Variants in LRRC8C observed in about 807,000 individuals in gnomAD.
LRRC8C encodes the protein leucine rich repeat containing 8 VRAC subunit C.
A neutral mutation model predicts 55.3 loss-of-function variants in LRRC8C; 20 were observed. That is an observed-to-expected ratio of 0.36 (90% CI 0.25 to 0.53). The LOEUF (loss-of-function observed/expected upper bound fraction) is 0.53. LRRC8C is among the 20% of genes least tolerant of loss of function. LRRC8C has a pLI of 0.92. For synonymous variants in LRRC8C, 376 were observed against 360.7 expected, an observed-to-expected ratio of 1.04 and a Z score of -0.48; for missense variants, 659 against 951.4, an observed-to-expected ratio of 0.69 and a Z score of 4.04.
At chr1:89,671,333 C>T (rs1053451761) in intron 1 of LRRC8C, among the ~76,000 whole-genome samples, 6 of 149,794 alleles carry the variant, frequency 4.0e-5, no homozygotes, top group African/African-American at 1.5e-4. Flanking sequence ...AGAGGAAGGG[C>T]ATACTCAAGG....
At chr1:89,623,186 G>GCACA in the LRRC8C span, among the ~76,000 whole-genome samples, 2 of 149,188 alleles carry the variant, frequency 1.3e-5, no homozygotes, top group Admixed American at 6.7e-5. Context: ...ACACACATGC[G>GCACA]CACACACACA....
At chr1:89,648,796 G>A (rs1420898260) in intron 1 of LRRC8C, among the ~76,000 whole-genome samples, 1 of 152,246 alleles carries the variant, frequency 6.6e-6, no homozygotes, top group East Asian at 1.9e-4. Context: ...TGTCACAATA[G>A]ATTTGCCTAT....
At chr1:89,653,358 A>G (rs1282892663) in intron 1 of LRRC8C, among the ~76,000 whole-genome samples, 1 of 152,140 alleles carries the variant, frequency 6.6e-6, no homozygotes, top group Non-Finnish European at 1.5e-5. Context: ...GTCAGTGTTT[A>G]AGTTTTTGCA....
intron 1 of LRRC8C, among the ~76,000 whole-genome samples, chr1:89,672,202 G>A (rs530359674): frequency 5.3e-5 from 8 of 152,288 alleles, no homozygotes; most frequent in African/African-American, 1.9e-4. Context: ...CTAGCTAACT[G>A]TTACTACTTA....
intron 2 of LRRC8C, chr1:89,706,233 A>G (rs1658479149): frequency 6.6e-6 from 3 of 453,298 alleles, no homozygotes; most frequent in Admixed American, 2.4e-5. Context: ...AGAATTCAGC[A>G]TTTATGTTCT....
intron 1 of LRRC8C, among the ~76,000 whole-genome samples, chr1:89,643,075 T>C (rs1043038888): frequency 2.0e-5 from 3 of 151,192 alleles, no homozygotes; most frequent in Non-Finnish European, 4.4e-5. Flanking sequence ...GGAAGGAGGA[T>C]ATATTCTATT....
At chr1:89,636,023 G>A (rs1362605753) in intron 1 of LRRC8C, among the ~76,000 whole-genome samples, 1 of 152,164 alleles carries the variant, frequency 6.6e-6, no homozygotes, top group African/African-American at 2.4e-5. Context: ...TTTGGCATGG[G>A]GTAAAGAGAA....
chr1:89,677,068 T>C (rs540149566), intron 1 of LRRC8C, among the ~76,000 whole-genome samples: 31 of 152,332 alleles, frequency 2.0e-4, no homozygotes, highest in African/African-American at 7.5e-4. Flanking sequence ...ATGTACAGCC[T>C]GAAGCACACA....
intron 1 of LRRC8C, among the ~76,000 whole-genome samples, chr1:89,651,497 G>T (rs929685658): frequency 6.7e-6 from 1 of 149,426 alleles, no homozygotes; most frequent in African/African-American, 2.5e-5. Flanking sequence ...GAACCTGGGA[G>T]GTGGAGCTTA....
At chr1:89,687,022 A>G (rs1657903893) in intron 2 of LRRC8C, among the ~76,000 whole-genome samples, 1 of 152,174 alleles carries the variant, frequency 6.6e-6, no homozygotes, top group African/African-American at 2.4e-5. Flanking sequence ...TAAAATTTTG[A>G]TGAGATATCA....
chr1:89,692,173 C>T lies in LRRC8C; in HGVS notation c.138+5562C>T, dbSNP rs183626195. Among the ~76,000 whole-genome samples, 5 of 152,220 alleles carry T rather than the reference C, an allele frequency of 3.3e-5. No homozygotes were observed. The East Asian group carries it at 9.6e-4, about 29-fold the overall frequency. On this transcript the variant is annotated intron_variant, in intron 2 of 2. Transcript: ENST00000370454. Reference sequence around the variant, plus strand: ...GAAGCTCAAGTTCCTTTCTCATTCCCAAGGCGATGTTAAAATTGTTAAAAT... The same window carrying T: ...GAAGCTCAAGTTCCTTTCTCATTCCTAAGGCGATGTTAAAATTGTTAAAAT...
intron 2 of LRRC8C, among the ~76,000 whole-genome samples, chr1:89,708,250 G>C (rs1029226380): frequency 1.3e-5 from 2 of 152,106 alleles, no homozygotes; most frequent in Non-Finnish European, 2.9e-5. Context: ...ATGAGCTGCT[G>C]GTGATGCACT....
chr1:89,673,339 A>T (rs759816527), intron 1 of LRRC8C, among the ~76,000 whole-genome samples: 1 of 152,152 alleles, frequency 6.6e-6, no homozygotes, highest in Non-Finnish European at 1.5e-5. Context: ...TTGCAAGTTG[A>T]TACATTACTA....
At chr1:89,685,220 G>A (rs553868594) in intron 1 of LRRC8C, among the ~76,000 whole-genome samples, 4 of 141,994 alleles carry the variant, frequency 2.8e-5, no homozygotes, top group East Asian at 2.3e-4. Flanking sequence ...CCGGGTTCAC[G>A]CCATTCTCCT....
chr1:89,700,566 A>G (rs1038362717), intron 2 of LRRC8C, among the ~76,000 whole-genome samples: 4 of 152,228 alleles, frequency 2.6e-5, no homozygotes, highest in Non-Finnish European at 4.4e-5. Context: ...CTGTTGGTAA[A>G]GGATAGCCTG....
At chr1:89,646,741 A>T (rs1656624836) in intron 1 of LRRC8C, among the ~76,000 whole-genome samples, 1 of 152,138 alleles carries the variant, frequency 6.6e-6, no homozygotes, top group Non-Finnish European at 1.5e-5. Context: ...AGCATTATAC[A>T]GGAGGCTGGC....
At chr1:89,617,518 T>C in the LRRC8C span, among the ~76,000 whole-genome samples, 4 of 152,352 alleles carry the variant, frequency 2.6e-5, no homozygotes, top group African/African-American at 7.2e-5. Flanking sequence ...AATCAGTTTT[T>C]CCATTGCAGC....
chr1:89,621,575 A>G, the LRRC8C span, among the ~76,000 whole-genome samples: 2 of 152,214 alleles, frequency 1.3e-5, no homozygotes, highest in Non-Finnish European at 2.9e-5. Context: ...TCTGAGGAAA[A>G]GTATTGTGAT....
chr1:89,641,463 A>T (rs1656453309), intron 1 of LRRC8C, among the ~76,000 whole-genome samples: 1 of 152,192 alleles, frequency 6.6e-6, no homozygotes, highest in Non-Finnish European at 1.5e-5. Flanking sequence ...TTAATCAGAA[A>T]ATTGCTTAAT....
Sources: allele counts gnomAD v4.1 joint callset (sites outside exome capture counted in the v4.1 genomes callset), GRCh38; gene constraint gnomAD v4.1.1; transcripts MANE v1.5; gene names NCBI Gene and HGNC (gene_info 2026-07-23, HGNC 2026-07-21).